NAV2: variants seen among roughly 807,000 people sequenced by gnomAD.
NAV2 encodes the protein neuron navigator 2, also known as helicase, APC down-regulated 1.
Under a neutral mutation model 223.2 loss-of-function variants are expected in NAV2, and 54 were observed. That is an observed-to-expected ratio of 0.24 (90% CI 0.19 to 0.30). NAV2 has a LOEUF of 0.30. Among genes scored for constraint, NAV2 ranks in the 10% least tolerant of loss-of-function variants. NAV2 has a pLI of 1.00. For synonymous variants in NAV2, 1,279 were observed against 1,239.3 expected (o/e 1.03, Z -0.67); for missense variants, 2,806 against 3,147.5 (o/e 0.89, Z 2.60).
At chr11:19,789,424 C>G (rs2057369798) in intron 1 of NAV2, among the ~76,000 whole-genome samples, 1 of 152,168 alleles carries the variant, frequency 6.6e-6, no homozygotes, top group Non-Finnish European at 1.5e-5. Context: ...TCTTCCACTC[C>G]CAGTCTAAGA....
At chr11:19,570,688 T>G (rs1329022779) in intron 1 of NAV2, among the ~76,000 whole-genome samples, 1 of 152,172 alleles carries the variant, frequency 6.6e-6, no homozygotes, top group African/African-American at 2.4e-5. Flanking sequence ...GGAAAGATGC[T>G]AACATCATTA....
At chr11:19,720,689 G>A (rs2050683181) in intron 1 of NAV2, among the ~76,000 whole-genome samples, 1 of 152,204 alleles carries the variant, frequency 6.6e-6, no homozygotes, top group Non-Finnish European at 1.5e-5. Flanking sequence ...TATCGATTGA[G>A]CACAGCCTCT....
intron 10 of NAV2, among the ~76,000 whole-genome samples, chr11:19,953,858 C>CGT (rs373382653): frequency 0.04 from 5,950 of 150,508 alleles, 314 homozygotes; most frequent in African/African-American, 0.12. Flanking sequence ...CACGCGCGCG[C>CGT]GTGTGTGTGT....
In NAV2 at chr11:20,044,188, C is replaced by T; in HGVS notation, c.3115C>T (p.Arg1039Ter). The T allele has an allele frequency of 6.2e-7, 1 of 1,614,102 alleles. No homozygotes were observed. The highest frequency in any genetic ancestry group is 8.5e-7 in the Non-Finnish European group (1 of 1,179,988). ...PVISQTGSWR[R>*]GMTAQVGITM... is the part of the protein sequence containing the mutation. ...CATCTCCCAGACAGGCTCATGGCGG[C>T]GAGGCATGACAGCTCAGGTGGGCAT... Residue 1039 changes from arginine to a stop codon, truncating the protein, a stop_gained, in exon 13 of 38, where the codon CGA becomes TGA. Coordinates refer to ENST00000349880, the MANE Select transcript of NAV2 (RefSeq NM_145117.5). LOFTEE classifies it high-confidence loss of function.
chr11:19,415,322 C>T (rs943261083), intron 1 of NAV2, among the ~76,000 whole-genome samples: 18 of 152,232 alleles, frequency 1.2e-4, no homozygotes, highest in African/African-American at 2.2e-4. Context: ...AACACCTCTA[C>T]GCAAATAAAC....
chr11:20,068,545 C>A, intron 22 of NAV2, 147 bp downstream of exon 22: 1 of 657,278 alleles, frequency 1.5e-6, no homozygotes, highest in Admixed American at 2.5e-5. Context: ...GTGTGAATGT[C>A]AGTTTGGACA....
intron 1 of NAV2, among the ~76,000 whole-genome samples, chr11:19,447,549 A>T (rs1057162963): frequency 2.0e-5 from 3 of 152,228 alleles, no homozygotes; most frequent in African/African-American, 7.2e-5. Flanking sequence ...AGGCGAGACG[A>T]TGCATTTAAA....
chr11:20,008,862 AT>A (rs973597216), intron 11 of NAV2, among the ~76,000 whole-genome samples: 4 of 152,060 alleles, frequency 2.6e-5, no homozygotes, highest in African/African-American at 7.2e-5. Context: ...TGCTGGAAAC[AT>A]TTTTTATTAC....
intron 1 of NAV2, among the ~76,000 whole-genome samples, chr11:19,409,903 G>T (rs1273104774): frequency 2.0e-5 from 3 of 152,178 alleles, no homozygotes; most frequent in Non-Finnish European, 4.4e-5. Context: ...AGAAATGACT[G>T]AGCACTCTGG....
rs533531446 is a variant in NAV2 at position 19,924,153 on chromosome 11, G to A, written c.932-9023G>A. Among the ~76,000 whole-genome samples the A allele has an allele frequency of 3.3e-5, 5 of 152,228 alleles. No individual in the cohort carries two copies. The South Asian group carries it at 1.0e-3, about 32-fold the overall frequency. ...TATCATAGGGTCAAACATAAGCCCA[G>A]CTGCATATGAATATTTCCAGCAAGT... is the stretch of plus-strand genomic sequence containing the variant. On this transcript the variant is annotated intron_variant, in intron 6 of 37. Coordinates refer to ENST00000349880, the MANE Select transcript of NAV2 (RefSeq NM_145117.5).
At chr11:19,751,555 T>C (rs2053819593) in intron 1 of NAV2, among the ~76,000 whole-genome samples, 1 of 152,214 alleles carries the variant, frequency 6.6e-6, no homozygotes, top group Admixed American at 6.5e-5. Context: ...AGGGCCGTTA[T>C]TGTTGTTCCT....
intron 3 of NAV2, among the ~76,000 whole-genome samples, chr11:19,852,866 A>G (rs953110076): frequency 6.6e-6 from 1 of 152,220 alleles, no homozygotes; most frequent in Non-Finnish European, 1.5e-5. Context: ...CAGAGAATGG[A>G]GTGATGTGAC....
intron 1 of NAV2, among the ~76,000 whole-genome samples, chr11:19,643,130 A>C (rs796079954): frequency 3.9e-5 from 6 of 152,268 alleles, no homozygotes; most frequent in African/African-American, 1.4e-4. Context: ...TTATATATAT[A>C]CATGCCACAG....
At chr11:19,378,756 A>C (rs1848730268) in intron 1 of NAV2, among the ~76,000 whole-genome samples, 1 of 152,152 alleles carries the variant, frequency 6.6e-6, no homozygotes, top group South Asian at 2.1e-4. Flanking sequence ...ATAGCTGATC[A>C]GCACACACAC....
intron 1 of NAV2, among the ~76,000 whole-genome samples, chr11:19,724,772 C>A (rs1247181045): frequency 1.3e-5 from 2 of 152,210 alleles, no homozygotes; most frequent in Non-Finnish European, 2.9e-5. Flanking sequence ...AGTACTGGGA[C>A]TGTCTAATTT....
In NAV2 at chr11:19,749,725, A is replaced by G. The variant is rs189527857; in HGVS notation, c.267+35763A>G. Among the ~76,000 whole-genome samples the G allele has an allele frequency of 1.6e-4, 25 of 152,334 alleles. No individual in the cohort carries two copies. The East Asian group carries it at 4.4e-3, about 27-fold the overall frequency. ...GAGGAGAATTGAGTTCCAAACCATA[A>G]TAGCTAGTGGAAGCAATTTCTGGGA... On this transcript the variant is annotated intron_variant, in intron 1 of 37. Coordinates refer to ENST00000349880, the MANE Select transcript of NAV2 (RefSeq NM_145117.5).
intron 10 of NAV2, among the ~76,000 whole-genome samples, chr11:19,963,363 T>C (rs1253316689): frequency 6.6e-6 from 1 of 152,178 alleles, no homozygotes; most frequent in Non-Finnish European, 1.5e-5. Flanking sequence ...GCCAGGCTGA[T>C]TCAAAGCCCG....
intron 1 of NAV2, among the ~76,000 whole-genome samples, chr11:19,767,395 C>A (rs2055322659): frequency 6.6e-6 from 1 of 152,184 alleles, no homozygotes; most frequent in East Asian, 1.9e-4. Flanking sequence ...GACCTTGAAC[C>A]AGGCATTTCA....
At chr11:19,964,544 G>A (rs10833207) in intron 10 of NAV2, among the ~76,000 whole-genome samples, 66,249 of 150,314 alleles carry the variant, frequency 0.44, 16,196 homozygotes, top group Non-Finnish European at 0.54. Flanking sequence ...TGTGCAGGCT[G>A]GAGTGCAATA....
Sources: gnomAD v4.1 joint callset for allele counts (sites outside exome capture counted in the v4.1 genomes callset) on GRCh38, gnomAD v4.1.1 for gene constraint, MANE v1.5 for transcripts, NCBI Gene and HGNC (gene_info 2026-07-23, HGNC 2026-07-21) for gene names.